The following SH3BGR variants were observed in gnomAD, a reference collection of about 807,000 sequenced individuals.
SH3BGR encodes SH3 domain-binding glutamic acid-rich protein.
SH3BGR carries 29 observed loss-of-function variants against 24.5 expected under a neutral mutation model. The observed-to-expected ratio is 1.18, with a 90% CI of 0.88 to 1.61. The LOEUF (loss-of-function observed/expected upper bound fraction) is 1.61, where lower values mean the gene tolerates loss of function less well. Ranked by LOEUF, SH3BGR falls within the 40% of genes most tolerant of loss-of-function variation. SH3BGR has a pLI of 0.00. For missense variants in SH3BGR, 162 were observed against 205.8 expected, an observed-to-expected ratio of 0.79 and a Z score of 1.30; for synonymous variants, 55 against 65.7, an observed-to-expected ratio of 0.84 and a Z score of 0.79.
chr21:39,463,514 T>C (rs750223192), intron 2 of SH3BGR, among the ~76,000 whole-genome samples: 2 of 152,342 alleles, frequency 1.3e-5, no homozygotes, highest in South Asian at 4.1e-4. Flanking sequence ...GTAGAGGGAA[T>C]GTCTCAGCGC....
Position 39,476,041 on chromosome 21 carries a change from A to AT in SH3BGR, c.312+827dup, listed in dbSNP as rs535271708. ...ACACACACGTGGAAGCTGCGAACGC[A>AT]TGTAGATGGAGCTGAAGTCATGAAA... On this transcript the variant is annotated intron_variant, in intron 3 of 6. Transcript: ENST00000333634. Among the ~76,000 whole-genome samples, 28 of 152,344 alleles carry AT rather than the reference A, an allele frequency of 1.8e-4. No individual in the cohort carries two copies. In the South Asian group the frequency reaches 5.8e-3, roughly 32 times the overall value.
intron 4 of SH3BGR, among the ~76,000 whole-genome samples, chr21:39,507,451 A>G (rs996733002): frequency 2.4e-4 from 36 of 150,756 alleles, no homozygotes; most frequent in African/African-American, 8.5e-4. Flanking sequence ...CTCCTGCCTC[A>G]GCCTCCCAAG....
At chr21:39,447,617 C>T (rs982763916), upstream of SH3BGR, among the ~76,000 whole-genome samples, 30 of 151,878 alleles carry the variant, frequency 2.0e-4, no homozygotes, top group Admixed American at 1.1e-3. Context: ...TGGGGTTTTG[C>T]GATGTTGGCT....
chr21:39,500,615 G>C (rs755996496), intron 4 of SH3BGR, among the ~76,000 whole-genome samples: 8 of 152,134 alleles, frequency 5.3e-5, no homozygotes, highest in Non-Finnish European at 1.0e-4. Flanking sequence ...GGTGGGGCTG[G>C]GAATGGGGTG....
intron 4 of SH3BGR, among the ~76,000 whole-genome samples, chr21:39,501,236 C>T (rs1211871645): frequency 6.6e-6 from 1 of 152,198 alleles, no homozygotes; most frequent in African/African-American, 2.4e-5. Flanking sequence ...AAAAGCATTA[C>T]ACCCCAGCCC....
intron 1 of SH3BGR, among the ~76,000 whole-genome samples, chr21:39,456,634 C>T (rs1202935782): frequency 1.3e-5 from 2 of 151,990 alleles, no homozygotes; most frequent in South Asian, 2.1e-4. Flanking sequence ...TAGTGCCAGG[C>T]ATCCACGGCA....
At chr21:39,475,312 T>G in intron 3 of SH3BGR, 97 bp downstream of exon 3, 3 of 741,774 alleles carry the variant, frequency 4.0e-6, no homozygotes, top group Admixed American at 2.1e-5. Flanking sequence ...TGATGATCTC[T>G]AAATTAACAT....
At chr21:39,448,652 C>T (rs994847068), upstream of SH3BGR, among the ~76,000 whole-genome samples, 3 of 152,068 alleles carry the variant, frequency 2.0e-5, no homozygotes, top group Non-Finnish European at 2.9e-5. Flanking sequence ...CCACTGCACT[C>T]CAGCCTGGTG....
At chr21:39,485,878 C>T (rs949050978) in intron 3 of SH3BGR, among the ~76,000 whole-genome samples, 27 of 151,912 alleles carry the variant, frequency 1.8e-4, no homozygotes, top group African/African-American at 2.2e-4. Flanking sequence ...TTAGTAGAGA[C>T]GGGGTTTCAC....
intron 2 of SH3BGR, 68 bp from the exon 3 acceptor site, chr21:39,475,066 TC>T (rs1177245988): frequency 1.1e-6 from 1 of 947,624 alleles, no homozygotes; most frequent in East Asian, 2.5e-5. Flanking sequence ...ATACAAAAGA[TC>T]AGTTTCCGTA....
At chr21:39,513,364 A>G (rs540648670) in intron 6 of SH3BGR, among the ~76,000 whole-genome samples, 38 of 152,282 alleles carry the variant, frequency 2.5e-4, no homozygotes, top group Admixed American at 4.6e-4. Context: ...TTGGCTGACA[A>G]ATAGCAATGC....
intron 3 of SH3BGR, among the ~76,000 whole-genome samples, chr21:39,486,451 A>C (rs1241096014): frequency 6.6e-6 from 1 of 152,224 alleles, no homozygotes; most frequent in Non-Finnish European, 1.5e-5. Context: ...TCAGAGACAT[A>C]ATATACTCTG....
chr21:39,492,302 G>A (rs1025016808), intron 3 of SH3BGR, among the ~76,000 whole-genome samples: 3 of 151,948 alleles, frequency 2.0e-5, no homozygotes, highest in African/African-American at 4.8e-5. Flanking sequence ...TCATAGTTTA[G>A]CTCCCACTTT....
At chr21:39,476,558 A>T (rs2078030839) in intron 3 of SH3BGR, among the ~76,000 whole-genome samples, 1 of 152,116 alleles carries the variant, frequency 6.6e-6, no homozygotes, top group African/African-American at 2.4e-5. Context: ...CACCACTGGA[A>T]ATTTGGGCAG....
chr21:39,455,766 G>A (rs748644932), intron 1 of SH3BGR, among the ~76,000 whole-genome samples: 34 of 152,218 alleles, frequency 2.2e-4, no homozygotes, highest in Non-Finnish European at 4.4e-4. Flanking sequence ...CAGGCTCCCA[G>A]CCCAGGCAGA....
chr21:39,449,554 T>C (rs1448577406), upstream of SH3BGR, among the ~76,000 whole-genome samples: 3 of 152,242 alleles, frequency 2.0e-5, no homozygotes, highest in Non-Finnish European at 4.4e-5. Context: ...TTTGTGTCAT[T>C]AGTGTAATAA....
At chr21:39,496,314 C>G (rs1183189849) in intron 3 of SH3BGR, among the ~76,000 whole-genome samples, 5 of 151,852 alleles carry the variant, frequency 3.3e-5, no homozygotes, top group South Asian at 2.1e-4. Context: ...TCCTGGCTAA[C>G]AAGGTGAAAC....
chr21:39,476,455 T>G (rs2078029340), intron 3 of SH3BGR, among the ~76,000 whole-genome samples: 1 of 152,146 alleles, frequency 6.6e-6, no homozygotes, highest in Non-Finnish European at 1.5e-5. Flanking sequence ...AACGAGGGAC[T>G]ATGCATAGAC....
At chr21:39,496,264 GC>G (rs1280030860) in intron 3 of SH3BGR, among the ~76,000 whole-genome samples, 1 of 152,108 alleles carries the variant, frequency 6.6e-6, no homozygotes, top group Admixed American at 6.5e-5. Flanking sequence ...ACTTTGGGAG[GC>G]CGAGGCGGGT....
Sources: gnomAD v4.1 joint callset for allele counts (sites outside exome capture counted in the v4.1 genomes callset) on GRCh38, gnomAD v4.1.1 for gene constraint, MANE v1.5 for transcripts, NCBI Gene and HGNC (gene_info 2026-07-23, HGNC 2026-07-21) for gene names.